The following ESCO1 variants were observed in gnomAD, a reference collection of about 807,000 sequenced individuals.
ESCO1 encodes the protein N-acetyltransferase ESCO1.
ESCO1 carries 33 observed loss-of-function variants against 83.5 expected under a neutral mutation model. That is an observed-to-expected ratio of 0.40 (90% CI 0.30 to 0.53). ESCO1 has a LOEUF of 0.53. Ranked by LOEUF, ESCO1 falls within the 20% of genes least tolerant of loss-of-function variation. The probability of loss-of-function intolerance (pLI) is 0.63; values close to 1 mark genes in which losing one functional copy is unlikely to be tolerated. For missense variants in ESCO1, 855 were observed against 968.0 expected, an observed-to-expected ratio of 0.88 and a Z score of 1.55; for synonymous variants, 332 against 324.3, an observed-to-expected ratio of 1.02 and a Z score of -0.25.
chr18:21,561,819 C>T (rs988967175), intron 7 of ESCO1, among the ~76,000 whole-genome samples: 4 of 152,044 alleles, frequency 2.6e-5, no homozygotes, highest in Admixed American at 6.6e-5. Context: ...CCTCCTGCCT[C>T]GGCCTCCTAA....
intron 1 of ESCO1, among the ~76,000 whole-genome samples, chr18:21,588,044 C>T (rs1303629585): frequency 6.6e-6 from 1 of 150,592 alleles, no homozygotes; most frequent in Non-Finnish European, 1.5e-5. Flanking sequence ...TGCTATGATC[C>T]TGCCTACGAA....
intron 8 of ESCO1, among the ~76,000 whole-genome samples, chr18:21,552,736 G>A (rs1349411052): frequency 6.6e-6 from 1 of 152,110 alleles, no homozygotes; most frequent in Non-Finnish European, 1.5e-5. Context: ...GCAATATAAT[G>A]GAGAAAAGAC....
chr18:21,541,781 C>T (rs988281867), intron 8 of ESCO1, among the ~76,000 whole-genome samples: 1 of 151,986 alleles, frequency 6.6e-6, no homozygotes, highest in East Asian at 1.9e-4. Context: ...GAGATTTTCA[C>T]TTTAAAACAT....
intron 7 of ESCO1, among the ~76,000 whole-genome samples, chr18:21,563,499 C>T (rs1383800849): frequency 1.3e-5 from 2 of 152,072 alleles, no homozygotes; most frequent in African/African-American, 2.4e-5. Context: ...AGGCATCTGC[C>T]ACCACGCCTG....
intron 7 of ESCO1, among the ~76,000 whole-genome samples, chr18:21,562,603 T>C (rs555654887): frequency 3.9e-5 from 6 of 151,970 alleles, no homozygotes; most frequent in East Asian, 1.9e-4. Flanking sequence ...GATCACACCA[T>C]TGCACTCTAG....
At chr18:21,592,259 G>T (rs1017169942) in intron 1 of ESCO1, among the ~76,000 whole-genome samples, 1 of 150,544 alleles carries the variant, frequency 6.6e-6, no homozygotes, top group Non-Finnish European at 1.5e-5. Context: ...GGGCAGAGGC[G>T]CCCCTCACCT....
chr18:21,536,295 AAG>A, intron 9 of ESCO1, 110 bp from the exon 10 acceptor site: 1 of 1,257,052 alleles, frequency 8.0e-7, no homozygotes, highest in Non-Finnish European at 1.1e-6. Flanking sequence ...GCATCCTCTA[AAG>A]AGTTCTTTTG....
chr18:21,559,270 T>A, intron 8 of ESCO1, among the ~76,000 whole-genome samples: 1 of 152,234 alleles, frequency 6.6e-6, no homozygotes, highest in East Asian at 1.9e-4. Context: ...CCCATGGCTC[T>A]GTCCCATCAA....
At chr18:21,567,873 G>A in intron 5 of ESCO1, 107 bp downstream of exon 5, 1 of 736,422 alleles carries the variant, frequency 1.4e-6, no homozygotes, top group Non-Finnish European at 2.2e-6. Context: ...ATACAGCAAT[G>A]GTTAAAAAGA....
chr18:21,563,151 G>A (rs535654141), intron 7 of ESCO1, among the ~76,000 whole-genome samples: 12 of 151,142 alleles, frequency 7.9e-5, no homozygotes, highest in East Asian at 2.0e-4. Context: ...AATTACAGGC[G>A]TGAGCCACTG....
chr18:21,587,099 T>A (rs560256666), intron 1 of ESCO1, among the ~76,000 whole-genome samples: 1 of 152,112 alleles, frequency 6.6e-6, no homozygotes, highest in Non-Finnish European at 1.5e-5. Flanking sequence ...ACTTGGTCAT[T>A]GTGTGTTATC....
At chr18:21,549,383 T>C (rs964053074) in intron 8 of ESCO1, among the ~76,000 whole-genome samples, 3 of 151,778 alleles carry the variant, frequency 2.0e-5, no homozygotes, top group Non-Finnish European at 4.4e-5. Context: ...AACTGCTAGA[T>C]GGAACCACCC....
At chr18:21,576,654 G>A (rs1277526383) in intron 2 of ESCO1, among the ~76,000 whole-genome samples, 5 of 152,190 alleles carry the variant, frequency 3.3e-5, no homozygotes, top group Non-Finnish European at 5.9e-5. Context: ...GAATCTTCAG[G>A]TAGAAATGTG....
At chr18:21,592,638 G>A (rs975651208) in intron 1 of ESCO1, among the ~76,000 whole-genome samples, 2 of 151,010 alleles carry the variant, frequency 1.3e-5, no homozygotes, top group Non-Finnish European at 3.0e-5. Context: ...CGGGGCGGCT[G>A]GCCTGGCGCG....
intron 2 of ESCO1, among the ~76,000 whole-genome samples, chr18:21,580,836 C>G (rs945116722): frequency 6.6e-6 from 1 of 151,854 alleles, no homozygotes; most frequent in South Asian, 2.1e-4. Flanking sequence ...ACTAAAAATA[C>G]AAAATTAGCC....
intron 8 of ESCO1, among the ~76,000 whole-genome samples, chr18:21,549,723 T>G (rs2038020978): frequency 6.6e-6 from 1 of 152,070 alleles, no homozygotes; most frequent in Non-Finnish European, 1.5e-5. Context: ...TCTCAGCACT[T>G]TGGGAGGCCG....
intron 8 of ESCO1, among the ~76,000 whole-genome samples, chr18:21,556,008 A>C (rs941390130): frequency 7.9e-5 from 12 of 151,992 alleles, no homozygotes; most frequent in Non-Finnish European, 1.8e-4. Flanking sequence ...TAATCCCAGC[A>C]CTTTGGGAAC....
At chr18:21,560,532 A>G (rs2146197601) in intron 8 of ESCO1, among the ~76,000 whole-genome samples, 1 of 152,236 alleles carries the variant, frequency 6.6e-6, no homozygotes, top group African/African-American at 2.4e-5. Context: ...AGATTTATCA[A>G]TAGTAAATAA....
chr18:21,556,701 C>CT (rs897597712), intron 8 of ESCO1, among the ~76,000 whole-genome samples: 26 of 147,696 alleles, frequency 1.8e-4, no homozygotes, highest in South Asian at 8.6e-4. Context: ...TCTGTCAACT[C>CT]TTTTTTTTTT....
Sources: gnomAD v4.1 joint callset for allele counts (sites outside exome capture counted in the v4.1 genomes callset) on GRCh38, gnomAD v4.1.1 for gene constraint, MANE v1.5 for transcripts, NCBI Gene and HGNC (gene_info 2026-07-23, HGNC 2026-07-21) for gene names.